The following CEACAM18 variants were observed in gnomAD, a reference collection of about 807,000 sequenced individuals.
CEACAM18 encodes the protein CEA cell adhesion molecule 18.
In CEACAM18, 33 loss-of-function variants were observed where a neutral mutation model predicts 34.3. The ratio of observed to expected loss-of-function variants is 0.96; its 90% CI spans 0.73 to 1.29. The LOEUF is 1.29. CEACAM18 is among the 50% of genes most tolerant of loss of function. CEACAM18 has a pLI of 0.00. For synonymous variants in CEACAM18, 169 were observed against 180.9 expected, an observed-to-expected ratio of 0.93 and a Z score of 0.53; for missense variants, 474 against 485.0, an observed-to-expected ratio of 0.98 and a Z score of 0.21.
chr19:51,485,265 C>G (rs1240126931), intron 5 of CEACAM18, 143 bp downstream of exon 5: 6 of 812,222 alleles, frequency 7.4e-6, no homozygotes, highest in African/African-American at 5.2e-5. Flanking sequence ...CTGGGGCAGA[C>G]AGATCAGCCC....
At chr19:51,480,703 TC>T (rs1989900288) in intron 2 of CEACAM18, 23 bp downstream of exon 2, 1 of 1,588,382 alleles carries the variant, frequency 6.3e-7, no homozygotes, top group East Asian at 2.2e-5. Context: ...GTGCTGTGTT[TC>T]CCAACCCCCA....
At chr19:51,482,195 C>T (rs889651785) in intron 3 of CEACAM18, among the ~76,000 whole-genome samples, 37 of 152,080 alleles carry the variant, frequency 2.4e-4, no homozygotes, top group African/African-American at 8.9e-4. Flanking sequence ...TTTTAGCTGC[C>T]TACCGGGGCA....
intron 1 of CEACAM18, 65 bp downstream of exon 1, chr19:51,478,759 G>T: frequency 8.4e-7 from 1 of 1,186,400 alleles, no homozygotes; most frequent in South Asian, 2.7e-5. Context: ...GGAGCAAAGC[G>T]GCGGGGAGGG....
At chr19:51,490,620 C>A (rs1990074425) in exon 6 of CEACAM18, 1 of 1,232,454 alleles carries the variant, frequency 8.1e-7, no homozygotes. Context: ...CCACCCCAGA[C>A]CTGAGGACAA....
intron 1 of CEACAM18, among the ~76,000 whole-genome samples, chr19:51,479,242 G>A (rs996077014): frequency 8.5e-5 from 13 of 152,334 alleles, no homozygotes; most frequent in Non-Finnish European, 2.9e-5. Context: ...GCCTAGAGCC[G>A]GGGTCTCAGG....
chr19:51,490,780 A>C (rs550795399), exon 6 of CEACAM18: 1 of 449,830 alleles, frequency 2.2e-6, no homozygotes, highest in South Asian at 1.2e-4. Flanking sequence ...CTGGAGATGG[A>C]GGCTCCAGTA....
chr19:51,489,416 A>G (rs1990053558), intron 5 of CEACAM18, among the ~76,000 whole-genome samples: 1 of 151,648 alleles, frequency 6.6e-6, no homozygotes, highest in Non-Finnish European at 1.5e-5. Flanking sequence ...AGTTACTCAT[A>G]TTTTAATCAT....
At position 51,480,479 on chromosome 19, in the gene CEACAM18, G is replaced by A. The variant is rs373591127; in HGVS notation, c.199G>A (p.Asp67Asn). The change falls in exon 2 of 6, where the codon GAC becomes AAC. Residue 67 changes from aspartate to asparagine, a missense_variant. Physicochemically the swap from Asp to Asn is conservative, Grantham distance 23. Transcript: ENST00000396477. The stretch of plus-strand genomic sequence containing the variant: ...ATACAGCTGGTACTGGGGTGCAAAC[G>A]ACAGCGCAGGAAACATGATTATCAG... 194 of 1,613,702 alleles carry A rather than the reference G, an allele frequency of 1.2e-4. 1 individual carries two copies. Among genetic ancestry groups the A allele is most frequent in the Non-Finnish European group, 1.5e-4 (178 of 1,179,832 alleles).
Position 51,488,440 on chromosome 19 carries a change from C to T in CEACAM18, c.1090-2147C>T, listed in dbSNP as rs190971772. Among the ~76,000 whole-genome samples, 169 of 152,342 alleles carry T rather than the reference C, an allele frequency of 1.1e-3. 1 individual carries two copies. The highest frequency in any genetic ancestry group is 3.8e-3 in the African/African-American group (160 of 41,568). ...ACATAGCAAGTAAAGCACAGACAGG[C>T]TGACTCCCTGCTATCTCACTGTATG... On this transcript the variant is annotated intron_variant, in intron 5 of 5. Transcript: ENST00000396477.
chr19:51,480,948 G>A (rs940805170), intron 2 of CEACAM18, among the ~76,000 whole-genome samples: 2 of 152,186 alleles, frequency 1.3e-5, no homozygotes, highest in African/African-American at 4.8e-5. Flanking sequence ...GTGTTCTTCA[G>A]TTTCCTCATC....
chr19:51,478,609 G>C (rs1012070675), upstream of CEACAM18: 1 of 1,572,212 alleles, frequency 6.4e-7, no homozygotes, highest in Non-Finnish European at 8.7e-7. Context: ...TGTCTCTGGA[G>C]GGACCCCTCC....
At position 51,482,194 on chromosome 19, in the gene CEACAM18, C is replaced by T. The variant is rs546247108; in HGVS notation, c.673+529C>T. Among the ~76,000 whole-genome samples the T allele has an allele frequency of 5.9e-5, 9 of 152,140 alleles. No individual in the cohort carries two copies. In the South Asian group the frequency reaches 1.7e-3, roughly 28 times the overall value. ...TTTTTTTTTTATAGCCTTTTAGCTGCCTACCGGGGCAAGTTCACCACCCAG... is the reference window on the plus strand; with the variant it reads ...TTTTTTTTTTATAGCCTTTTAGCTGTCTACCGGGGCAAGTTCACCACCCAG... On this transcript the variant is annotated intron_variant, in intron 3 of 5. Transcript: ENST00000396477.
intron 3 of CEACAM18, among the ~76,000 whole-genome samples, chr19:51,482,219 G>A (rs1247773101): frequency 6.6e-6 from 1 of 151,882 alleles, no homozygotes; most frequent in African/African-American, 2.4e-5. Context: ...TCACCACCCA[G>A]GAAGACCTCC....
chr19:51,484,843 A>C, intron 4 of CEACAM18, 144 bp from the exon 5 acceptor site: 1 of 1,018,178 alleles, frequency 9.8e-7, no homozygotes, highest in Non-Finnish European at 1.4e-6. Context: ...TTGGCTGCTG[A>C]ATCCCTCGTA....
At chr19:51,480,772 GAGT>G in intron 2 of CEACAM18, 92 bp downstream of exon 2, 1 of 1,213,568 alleles carries the variant, frequency 8.2e-7, no homozygotes, top group Non-Finnish European at 1.2e-6. Flanking sequence ...ATGACACCGG[GAGT>G]GGAAATCACG....
At chr19:51,486,713 TCTTTTCTTTC>T (rs1568525455) in intron 5 of CEACAM18, among the ~76,000 whole-genome samples, 11 of 146,712 alleles carry the variant, frequency 7.5e-5, no homozygotes, top group South Asian at 2.2e-4. Context: ...TTTCTTTCTT[TCTTTTCTTTC>T]TTTTTTTTTT....
intron 5 of CEACAM18, among the ~76,000 whole-genome samples, chr19:51,487,607 A>C (rs1482315445): frequency 6.6e-6 from 1 of 152,290 alleles, no homozygotes; most frequent in East Asian, 1.9e-4. Flanking sequence ...TCTACTAAAA[A>C]TACAAAAAAT....
At position 51,480,334 on chromosome 19, in the gene CEACAM18, C is replaced by T. The variant is rs774960122; in HGVS notation, c.54C>T (p.Ala18=). ...GTCTTTTTTCCTTGTCTTCTTCAGC[C>T]AGTCTGCTGGCCTGTGGGATCTGCC... The change falls in exon 2 of 6, where the codon GCC becomes GCT. Residue 18 remains alanine (A), a splice_region_variant and synonymous_variant. Transcript: ENST00000396477. 6.3e-6 allele frequency: 10 copies of T among 1,598,214 alleles called. No individual in the cohort carries two copies. The East Asian group carries it at 2.2e-4, about 36-fold the overall frequency.
chr19:51,478,547 C>T (rs1365142632), upstream of CEACAM18: 4 of 1,131,830 alleles, frequency 3.5e-6, no homozygotes, highest in Admixed American at 2.0e-5. Context: ...ACGAGACCGG[C>T]AGCCTCTGTG....
Sources: gnomAD v4.1 joint callset for allele counts (sites outside exome capture counted in the v4.1 genomes callset) on GRCh38, gnomAD v4.1.1 for gene constraint, MANE v1.5 for transcripts, NCBI Gene and HGNC (gene_info 2026-07-23, HGNC 2026-07-21) for gene names.